Variants in TBC1D5 observed in about 807,000 individuals in gnomAD.
TBC1D5 encodes the protein TBC1 domain family member 5.
Under a neutral mutation model 100.3 loss-of-function variants are expected in TBC1D5, and 75 were observed. That is an observed-to-expected ratio of 0.75 (90% CI 0.62 to 0.91). TBC1D5 has a LOEUF of 0.91. Ranked by LOEUF, TBC1D5 falls within the 40% of genes least tolerant of loss-of-function variation. TBC1D5 has a pLI of 0.00. For synonymous variants in TBC1D5, 323 were observed against 325.6 expected, an observed-to-expected ratio of 0.99 and a Z score of 0.09; for missense variants, 910 against 942.4, an observed-to-expected ratio of 0.97 and a Z score of 0.45.
intron 2 of TBC1D5, among the ~76,000 whole-genome samples, chr3:17,509,621 T>G (rs908180460): frequency 8.5e-5 from 13 of 152,074 alleles, no homozygotes; most frequent in African/African-American, 2.9e-4. Context: ...TTAATTGTTA[T>G]GACTGTCTTC....
rs79389187 is a variant in TBC1D5 at position 17,273,179 on chromosome 3, T to G, written c.1246-14588A>C. On this transcript the variant is annotated intron_variant, in intron 15 of 21. Coordinates refer to ENST00000253692, the Ensembl canonical transcript of TBC1D5. ...CATTTGCCACTCATCATTTTCCATG[T>G]TGCTAGAATTATCTACCCTCAGGCA... is the stretch of plus-strand genomic sequence containing the variant. Among the ~76,000 whole-genome samples the G allele has an allele frequency of 3.5e-3, 533 of 152,302 alleles. 4 individuals carry two copies. Among genetic ancestry groups the G allele is most frequent in the Admixed American group, 9.9e-3 (151 of 15,302 alleles).
chr3:17,661,077 T>C (rs944078171), intron 1 of TBC1D5, among the ~76,000 whole-genome samples: 1 of 152,216 alleles, frequency 6.6e-6, no homozygotes, highest in Non-Finnish European at 1.5e-5. Flanking sequence ...ATATTTATAA[T>C]ACATTTCTGA....
chr3:17,459,127 A>G (rs11922536), intron 3 of TBC1D5, among the ~76,000 whole-genome samples: 13,856 of 152,222 alleles, frequency 0.091, 1,409 homozygotes, highest in African/African-American at 0.25. Flanking sequence ...TGTGGACACC[A>G]TAGAGGATAT....
chr3:17,742,205 C>T (rs1046962209), upstream of TBC1D5, among the ~76,000 whole-genome samples: 101 of 152,252 alleles, frequency 6.6e-4, no homozygotes, highest in African/African-American at 2.4e-3. Context: ...AAGGGTCCAC[C>T]CCTCCCGCCA....
At chr3:17,598,260 A>C (rs1216629173) in intron 2 of TBC1D5, among the ~76,000 whole-genome samples, 1 of 152,186 alleles carries the variant, frequency 6.6e-6, no homozygotes, top group Non-Finnish European at 1.5e-5. Flanking sequence ...AAGGCATGGG[A>C]GTTTTCAAAA....
intron 20 of TBC1D5, among the ~76,000 whole-genome samples, chr3:17,167,317 T>A (rs915165333): frequency 6.6e-6 from 1 of 152,222 alleles, no homozygotes; most frequent in African/African-American, 2.4e-5. Context: ...AACAGCATAC[T>A]CTTTTTCACT....
chr3:17,408,016 G>A (rs868444042), intron 4 of TBC1D5, among the ~76,000 whole-genome samples: 3 of 151,930 alleles, frequency 2.0e-5, no homozygotes, highest in African/African-American at 4.8e-5. Context: ...CCCTTTGCCC[G>A]TTTTAAGCAG....
At chr3:17,240,553 T>C (rs1421428800) in intron 16 of TBC1D5, among the ~76,000 whole-genome samples, 1 of 152,132 alleles carries the variant, frequency 6.6e-6, no homozygotes, top group Non-Finnish European at 1.5e-5. Context: ...TATATGTTTA[T>C]TGAGAAAAAA....
intron 2 of TBC1D5, among the ~76,000 whole-genome samples, chr3:17,578,353 A>C (rs2096670678): frequency 6.6e-6 from 1 of 152,010 alleles, no homozygotes; most frequent in Non-Finnish European, 1.5e-5. Flanking sequence ...AATCTACAAG[A>C]TTGCCAAAGC....
At chr3:17,628,642 A>G (rs952056219) in intron 1 of TBC1D5, among the ~76,000 whole-genome samples, 1 of 152,236 alleles carries the variant, frequency 6.6e-6, no homozygotes, top group Non-Finnish European at 1.5e-5. Flanking sequence ...TAGAATTCCA[A>G]TGGAAAGGTT....
intron 1 of TBC1D5, among the ~76,000 whole-genome samples, chr3:17,693,416 G>C (rs2071473673): frequency 6.6e-6 from 1 of 152,210 alleles, no homozygotes; most frequent in Non-Finnish European, 1.5e-5. Context: ...ACAACCGGCA[G>C]ACAAGGAGAT....
chr3:17,408,582 A>C (rs2093836653), intron 4 of TBC1D5, among the ~76,000 whole-genome samples: 1 of 152,038 alleles, frequency 6.6e-6, no homozygotes, highest in Non-Finnish European at 1.5e-5. Context: ...CAGCCTCCCA[A>C]AGTGCTGGAA....
At chr3:17,276,690 C>T (rs147657967) in intron 15 of TBC1D5, among the ~76,000 whole-genome samples, 42 of 152,316 alleles carry the variant, frequency 2.8e-4, no homozygotes, top group African/African-American at 9.6e-4. Flanking sequence ...AGAACCAGAA[C>T]ATTTCCATTT....
At chr3:17,334,292 C>T (rs1370868483) in intron 13 of TBC1D5, among the ~76,000 whole-genome samples, 2 of 152,010 alleles carry the variant, frequency 1.3e-5, no homozygotes, top group African/African-American at 4.8e-5. Flanking sequence ...ATCTTTTCTA[C>T]CTATCATCTA....
At chr3:17,411,731 T>A (rs6787756) in intron 4 of TBC1D5, among the ~76,000 whole-genome samples, 2 of 151,994 alleles carry the variant, frequency 1.3e-5, no homozygotes, top group Non-Finnish European at 2.9e-5. Context: ...ATACTACTTA[T>A]GTAATGAAGG....
chr3:17,355,779 A>T (rs2091162865), intron 13 of TBC1D5, among the ~76,000 whole-genome samples: 1 of 152,056 alleles, frequency 6.6e-6, no homozygotes, highest in African/African-American at 2.4e-5. Flanking sequence ...GCAAGTAACT[A>T]ACAATTCTAA....
chr3:17,306,392 G>A (rs1185668440), intron 14 of TBC1D5, among the ~76,000 whole-genome samples: 1 of 152,152 alleles, frequency 6.6e-6, no homozygotes, highest in Non-Finnish European at 1.5e-5. Context: ...CTATTTTTAG[G>A]AGATCTCATC....
chr3:17,294,657 A>G (rs2082076335), intron 14 of TBC1D5, among the ~76,000 whole-genome samples: 1 of 152,224 alleles, frequency 6.6e-6, no homozygotes, highest in African/African-American at 2.4e-5. Flanking sequence ...CAGTCACTGC[A>G]TGCAATGAGC....
chr3:17,322,015 T>A (rs1283924852), intron 13 of TBC1D5, among the ~76,000 whole-genome samples: 3 of 152,234 alleles, frequency 2.0e-5, no homozygotes, highest in African/African-American at 7.2e-5. Flanking sequence ...AGTAGCTTAC[T>A]ACTATTGCAT....
Sources: allele counts gnomAD v4.1 joint callset (sites outside exome capture counted in the v4.1 genomes callset), GRCh38; gene constraint gnomAD v4.1.1; transcripts MANE v1.5; gene names NCBI Gene and HGNC (gene_info 2026-07-23, HGNC 2026-07-21).